The following SYN2 variants were observed in gnomAD, a reference collection of about 807,000 sequenced individuals.
SYN2 encodes the protein synapsin-2.
SYN2 carries 19 observed loss-of-function variants against 50.9 expected under a neutral mutation model. That is an observed-to-expected ratio of 0.37 (90% CI 0.26 to 0.55). The LOEUF is 0.55. SYN2 is among the 20% of genes least tolerant of loss of function. The pLI is 0.81. For missense variants in SYN2, 587 were observed against 576.4 expected (o/e 1.02, Z -0.19); for synonymous variants, 255 against 224.9 (o/e 1.13, Z -1.20).
intron 1 of SYN2, among the ~76,000 whole-genome samples, chr3:12,016,143 C>G (rs981827748): frequency 6.6e-6 from 1 of 152,180 alleles, no homozygotes; most frequent in Non-Finnish European, 1.5e-5. Context: ...TGTAATGCAA[C>G]TGTAGCAATA....
chr3:12,082,620 A>G (rs906255449), intron 1 of SYN2, among the ~76,000 whole-genome samples: 8 of 152,236 alleles, frequency 5.3e-5, no homozygotes, highest in African/African-American at 1.9e-4. Context: ...ACTAAAAGGC[A>G]TTTACAAATA....
At chr3:12,044,191 A>ACC (rs1694683734) in intron 1 of SYN2, among the ~76,000 whole-genome samples, 2 of 129,024 alleles carry the variant, frequency 1.6e-5, no homozygotes, top group Non-Finnish European at 3.1e-5. Context: ...TCACACACAC[A>ACC]CACACACACA....
At chr3:12,145,965 G>T in intron 4 of SYN2, 130 bp downstream of exon 4, 1 of 1,305,300 alleles carries the variant, frequency 7.7e-7, no homozygotes, top group Non-Finnish European at 1.1e-6. Flanking sequence ...CAGGCCCCTA[G>T]GAGGGTCCTC....
rs560459409 is a variant in SYN2 at position 12,108,795 on chromosome 3, T to G, written c.378-31856T>G. ...TCATAAATTATTTAGTCTCTTTGTT[T>G]GTTGGTTGGGTTTAAAAAAAAAAAA... On this transcript the variant is annotated intron_variant, in intron 1 of 12. Transcript: ENST00000621198. Among the ~76,000 whole-genome samples, 20 of 110,042 alleles carry G rather than the reference T, an allele frequency of 1.8e-4. No individual in the cohort carries two copies. The East Asian group carries it at 4.0e-3, about 22-fold the overall frequency. 72.2% of individuals were successfully genotyped at this position (110,042 alleles called of 152,430 possible). A position where few individuals can be genotyped will look rare whatever the true frequency, so the allele number is the denominator to read the frequency against.
At chr3:12,151,467 G>T (rs1016806153) in intron 5 of SYN2, 141 bp downstream of exon 5, 28 of 641,644 alleles carry the variant, frequency 4.4e-5, no homozygotes, top group Admixed American at 2.2e-4. Flanking sequence ...AGCTTATGCG[G>T]CTGGAATAAC....
chr3:12,185,877 C>A, intron 11 of SYN2: 1 of 563,476 alleles, frequency 1.8e-6, no homozygotes, highest in Non-Finnish European at 2.3e-6. Flanking sequence ...TTGGAAGTGG[C>A]AAAAGCTGGT....
intron 10 of SYN2, among the ~76,000 whole-genome samples, chr3:12,173,850 G>T (rs1351469477): frequency 6.6e-6 from 1 of 152,158 alleles, no homozygotes; most frequent in African/African-American, 2.4e-5. Flanking sequence ...GGAAGCAGAG[G>T]TTGCAGTGAG....
chr3:12,152,078 C>G (rs1477722289), intron 5 of SYN2, among the ~76,000 whole-genome samples: 1 of 152,174 alleles, frequency 6.6e-6, no homozygotes, highest in East Asian at 1.9e-4. Context: ...AATGGAGACT[C>G]CCTGCGAAGC....
chr3:12,086,844 A>T (rs1331565250), intron 1 of SYN2, among the ~76,000 whole-genome samples: 2 of 152,192 alleles, frequency 1.3e-5, no homozygotes, highest in Non-Finnish European at 2.9e-5. Flanking sequence ...TTATCATAAT[A>T]CTAGAATTCC....
chr3:12,132,867 A>G lies in SYN2; in HGVS notation c.378-7784A>G, dbSNP rs1481435186. ...TACAGCTCACAGGACTGTCTTCAGG[A>G]AACAATTTTCTGTCATTCCAGGTTC... On this transcript the variant is annotated intron_variant, in intron 1 of 12. Coordinates refer to ENST00000621198, the MANE Select transcript of SYN2 (RefSeq NM_133625.6). Among the ~76,000 whole-genome samples, 5 of 152,188 alleles carry G rather than the reference A, an allele frequency of 3.3e-5. No homozygotes were observed. The East Asian group carries it at 7.7e-4, about 23-fold the overall frequency.
chr3:12,079,012 T>G (rs1443485418), intron 1 of SYN2, among the ~76,000 whole-genome samples: 2 of 152,160 alleles, frequency 1.3e-5, no homozygotes, highest in Non-Finnish European at 2.9e-5. Flanking sequence ...CTCGAAGAGG[T>G]CCTTCACTTC....
chr3:12,011,121 T>C (rs1466470388), intron 1 of SYN2, among the ~76,000 whole-genome samples: 1 of 152,236 alleles, frequency 6.6e-6, no homozygotes. Flanking sequence ...GACTTCACTC[T>C]AGGTGGTGGA....
chr3:12,044,570 A>G (rs1694695865), intron 1 of SYN2, among the ~76,000 whole-genome samples: 1 of 152,194 alleles, frequency 6.6e-6, no homozygotes, highest in Non-Finnish European at 1.5e-5. Context: ...TGAAACAATT[A>G]GAACCCCTGA....
At chr3:12,074,312 T>C (rs1272032612) in intron 1 of SYN2, among the ~76,000 whole-genome samples, 1 of 152,188 alleles carries the variant, frequency 6.6e-6, no homozygotes, top group Non-Finnish European at 1.5e-5. Context: ...TTACATTTAT[T>C]ATAATTACTG....
intron 1 of SYN2, among the ~76,000 whole-genome samples, chr3:12,111,285 T>C (rs532803569): frequency 7.9e-5 from 12 of 152,310 alleles, no homozygotes; most frequent in Admixed American, 6.5e-4. Flanking sequence ...CCTTCTGCCA[T>C]GATTGTGAGG....
chr3:12,106,002 TC>T (rs1417876386), intron 1 of SYN2, among the ~76,000 whole-genome samples: 1 of 152,174 alleles, frequency 6.6e-6, no homozygotes, highest in East Asian at 1.9e-4. Context: ...TCTTAGAATC[TC>T]ACAAGGGTAG....
intron 1 of SYN2, among the ~76,000 whole-genome samples, chr3:12,058,424 T>G (rs1226178921): frequency 6.6e-6 from 1 of 152,236 alleles, no homozygotes; most frequent in Non-Finnish European, 1.5e-5. Flanking sequence ...TTAACCTTTG[T>G]ATGTTTGTGT....
At chr3:12,156,987 A>G (rs1697478033) in intron 5 of SYN2, 6 of 1,298,024 alleles carry the variant, frequency 4.6e-6, no homozygotes, top group Admixed American at 1.9e-5. Context: ...TGTACTGTAT[A>G]TATTAACAGA....
intron 10 of SYN2, among the ~76,000 whole-genome samples, chr3:12,176,175 G>A (rs530774251): frequency 1.2e-3 from 179 of 152,300 alleles, no homozygotes; most frequent in Non-Finnish European, 2.1e-3. Flanking sequence ...TCTGAGCTGG[G>A]CCTTGCATCC....
Sources: allele counts gnomAD v4.1 joint callset (sites outside exome capture counted in the v4.1 genomes callset), GRCh38; gene constraint gnomAD v4.1.1; transcripts MANE v1.5; gene names NCBI Gene and HGNC (gene_info 2026-07-23, HGNC 2026-07-21).